Variants in ZNF541 observed in about 807,000 individuals in gnomAD.
ZNF541 encodes zinc finger protein 541.
Under a neutral mutation model 123.5 loss-of-function variants are expected in ZNF541, and 23 were observed. The ratio of observed to expected loss-of-function variants is 0.19; its 90% CI spans 0.13 to 0.26. The LOEUF is 0.26. ZNF541 is among the 10% of genes least tolerant of loss of function. The pLI is 1.00. For missense variants in ZNF541, 1,612 were observed against 1,789.9 expected (o/e 0.90, Z 1.79); for synonymous variants, 751 against 754.5 (o/e 1.00, Z 0.08).
intron 2 of ZNF541, among the ~76,000 whole-genome samples, chr19:47,566,709 G>T (rs1971277537): frequency 6.6e-6 from 1 of 151,372 alleles, no homozygotes; most frequent in South Asian, 2.1e-4. Context: ...TCATGCCACT[G>T]CACTCCATCC....
intron 3 of ZNF541, among the ~76,000 whole-genome samples, chr19:47,553,201 A>G (rs572513633): frequency 2.6e-5 from 4 of 152,204 alleles, no homozygotes; most frequent in Non-Finnish European, 5.9e-5. Flanking sequence ...CTTCTTAGAA[A>G]CCAGTGTTAT....
chr19:47,572,556 AAGG>A (rs1471856447), intron 1 of ZNF541, among the ~76,000 whole-genome samples: 1 of 150,662 alleles, frequency 6.6e-6, no homozygotes, highest in Admixed American at 6.6e-5. Context: ...ATGTCAAGGA[AAGG>A]AGGAGAGATT....
chr19:47,539,146 G>A (rs899707804), intron 8 of ZNF541, among the ~76,000 whole-genome samples: 8 of 152,062 alleles, frequency 5.3e-5, no homozygotes, highest in Admixed American at 2.0e-4. Flanking sequence ...CTCCTCCACT[G>A]GACTAGGAGC....
chr19:47,558,274 G>A (rs918268233), intron 2 of ZNF541, among the ~76,000 whole-genome samples: 1 of 151,882 alleles, frequency 6.6e-6, no homozygotes, highest in African/African-American at 2.4e-5. Flanking sequence ...AAATTAGCCG[G>A]GCATGGTGGT....
chr19:47,556,294 C>T (rs1970817800), intron 2 of ZNF541, among the ~76,000 whole-genome samples: 1 of 152,030 alleles, frequency 6.6e-6, no homozygotes, highest in South Asian at 2.1e-4. Context: ...AGGAAAAATC[C>T]CAAGTGCCAG....
intron 3 of ZNF541, among the ~76,000 whole-genome samples, chr19:47,550,877 C>T (rs146340375): frequency 0.019 from 2,942 of 152,268 alleles, 44 homozygotes; most frequent in Non-Finnish European, 0.031. Flanking sequence ...AAGCTGACCT[C>T]ACACCACTGG....
chr19:47,520,772 A>T lies in ZNF541; in HGVS notation c.*452T>A, dbSNP rs1968989249. 6.2e-6 allele frequency: 1 copy of T among 160,738 alleles called. No individual in the cohort carries two copies. The highest frequency in any genetic ancestry group is 6.1e-5 in the Admixed American group (1 of 16,374). 10.0% of individuals were successfully genotyped at this position (160,738 alleles called of 1,614,324 possible). ...TGCAGAATTCATCGCAAGACTAGGGACTGAATCTGGAAGGTAGAGTCCCCG... is the reference window on the plus strand; with the variant it reads ...TGCAGAATTCATCGCAAGACTAGGGTCTGAATCTGGAAGGTAGAGTCCCCG... On this transcript the variant is annotated 3_prime_UTR_variant, in exon 17 of 17. Coordinates refer to ENST00000391901, the MANE Select transcript of ZNF541 (RefSeq NM_001277075.3).
intron 2 of ZNF541, among the ~76,000 whole-genome samples, chr19:47,568,649 TTTCC>T (rs1189821647): frequency 6.6e-6 from 1 of 151,552 alleles, no homozygotes; most frequent in East Asian, 2.0e-4. Flanking sequence ...CGGCCTGCAA[TTTCC>T]TTCCTTACTT....
intron 4 of ZNF541, among the ~76,000 whole-genome samples, chr19:47,547,800 G>C (rs926894073): frequency 6.6e-6 from 1 of 152,096 alleles, no homozygotes; most frequent in African/African-American, 2.4e-5. Flanking sequence ...AAGACATTAA[G>C]CGGTGGCTCA....
At chr19:47,549,119 C>T (rs995532925) in intron 4 of ZNF541, 126 bp downstream of exon 4, 20 of 1,249,422 alleles carry the variant, frequency 1.6e-5, no homozygotes, top group Non-Finnish European at 2.0e-5. Flanking sequence ...AGAGGTAATA[C>T]ACGTCTGGAA....
At chr19:47,538,882 G>C (rs541271407) in intron 8 of ZNF541, among the ~76,000 whole-genome samples, 177 of 152,236 alleles carry the variant, frequency 1.2e-3, no homozygotes, top group Non-Finnish European at 2.1e-3. Context: ...CTCCAGTACA[G>C]GCTGCAGAGA....
At chr19:47,554,696 G>T (rs2123277845) in intron 3 of ZNF541, among the ~76,000 whole-genome samples, 1 of 152,324 alleles carries the variant, frequency 6.6e-6, no homozygotes, top group South Asian at 2.1e-4. Flanking sequence ...AAAGTCTTCA[G>T]TAAATGCTAA....
intron 3 of ZNF541, among the ~76,000 whole-genome samples, chr19:47,554,523 T>C (rs1318925358): frequency 6.6e-6 from 1 of 152,222 alleles, no homozygotes; most frequent in Non-Finnish European, 1.5e-5. Context: ...TTCCTTCTTT[T>C]GTTTTACTCT....
rs1223158353 is a variant in ZNF541, at chr19:47,545,234, A to G, written c.1295T>C (p.Val432Ala). ...CPKSKGNNVF[V>A]VHKPSAVPSR... ...GGGCACGGCCGAGGGCTTGTGGACA[A>G]CAAACACGTTGTTGCCTTTGCTTTT... The change falls in exon 5 of 17, where the codon GTT becomes GCT. Residue 432 changes from valine to alanine, a missense_variant. Around this residue, in one of 5 missense-constraint regions of ZNF541, gnomAD observed 1,080 missense variants for 1,013.8 expected, o/e 1.07. Coordinates refer to ENST00000391901, the MANE Select transcript of ZNF541 (RefSeq NM_001277075.3). This position sits in a 1 kb window ranked among gnomAD's most constrained non-coding sequence, Gnocchi z 7.5. 1.3e-6 allele frequency: 2 copies of G among 1,547,144 alleles called. No individual in the cohort carries two copies. The highest frequency in any genetic ancestry group is 1.2e-5 in the South Asian group (1 of 83,972).
At chr19:47,522,028 C>T (rs1020943143) in intron 14 of ZNF541, 34 bp from the exon 15 acceptor site, 3 of 1,546,960 alleles carry the variant, frequency 1.9e-6, no homozygotes, top group African/African-American at 1.4e-5. Flanking sequence ...TGTGGCTGTG[C>T]CACGCGGGCC....
In ZNF541 at chr19:47,544,327, G is replaced by A; in HGVS notation, c.2202C>T (p.Gly734=). ...AASRITKGEK[G]PACSRGGGYR... is the part of the protein sequence containing the mutation. ...AGCCTCCACCCCGGGAGCAGGCTGGGCCCTTTTCACCTTTTGTGATCCTTG... is the reference window on the plus strand; with the variant it reads ...AGCCTCCACCCCGGGAGCAGGCTGGACCCTTTTCACCTTTTGTGATCCTTG... Residue 734 remains glycine (G), a synonymous_variant, in exon 5 of 17, where the codon GGC becomes GGT. Transcript: ENST00000391901. 6.4e-7 allele frequency: 1 copy of A among 1,551,656 alleles called. No individual in the cohort carries two copies. The highest frequency in any genetic ancestry group is 8.7e-7 in the Non-Finnish European group (1 of 1,147,000).
chr19:47,572,683 C>G (rs536843446), intron 1 of ZNF541, among the ~76,000 whole-genome samples: 7 of 148,164 alleles, frequency 4.7e-5, no homozygotes, highest in African/African-American at 1.8e-4. Context: ...CTAGCGAATG[C>G]AAGGCCCAGA....
intron 10 of ZNF541, 38 bp downstream of exon 10, chr19:47,532,871 G>A: frequency 6.5e-7 from 1 of 1,541,888 alleles, no homozygotes; most frequent in Non-Finnish European, 8.8e-7. Flanking sequence ...AACTCAAGGT[G>A]GGGTAAAAGC....
chr19:47,546,064 C>A, intron 4 of ZNF541, 84 bp from the exon 5 acceptor site: 1 of 1,246,936 alleles, frequency 8.0e-7, no homozygotes, highest in Non-Finnish European at 1.1e-6. Flanking sequence ...CCCCAAAAGT[C>A]TGTGGTACAG....
Sources: gnomAD v4.1 joint callset for allele counts (sites outside exome capture counted in the v4.1 genomes callset) on GRCh38, gnomAD v4.1.1 for gene constraint, gnomAD v4.1.1 regional missense constraint, Gnocchi (gnomAD v3.1) non-coding constraint, MANE v1.5 for transcripts, NCBI Gene and HGNC (gene_info 2026-07-23, HGNC 2026-07-21) for gene names.